The following ANK3 variants were observed in gnomAD, a reference collection of about 807,000 sequenced individuals.
The protein encoded by ANK3 is ankyrin 3.
ANK3 carries 57 observed loss-of-function variants against 370.9 expected under a neutral mutation model. The observed-to-expected ratio is 0.15, with a 90% CI of 0.12 to 0.19. ANK3 has a LOEUF of 0.19. ANK3 is among the 10% of genes least tolerant of loss of function. The pLI, the probability that ANK3 is intolerant of heterozygous loss-of-function variation, is 1.00. For missense variants in ANK3, 4,439 were observed against 5,302.1 expected (o/e 0.84, Z 5.06); for synonymous variants, 1,929 against 1,946.3 (o/e 0.99, Z 0.23).
At chr10:60,436,176 T>C (rs1233148330) in intron 2 of ANK3, among the ~76,000 whole-genome samples, 1 of 152,238 alleles carries the variant, frequency 6.6e-6, no homozygotes, top group African/African-American at 2.4e-5. Context: ...AGCTGAATAA[T>C]ATTCCCTTGT....
intron 2 of ANK3, among the ~76,000 whole-genome samples, chr10:60,551,814 A>G (rs2077094499): frequency 6.6e-6 from 1 of 152,182 alleles, no homozygotes; most frequent in South Asian, 2.1e-4. Context: ...GGTATTCTTA[A>G]TACTTCTTCA....
intron 1 of ANK3, among the ~76,000 whole-genome samples, chr10:60,305,804 G>A (rs1280104225): frequency 6.6e-6 from 1 of 152,180 alleles, no homozygotes; most frequent in South Asian, 2.1e-4. Flanking sequence ...AGGAGACGGA[G>A]GCAGAAGCTG....
At chr10:60,177,728 G>A (rs566341232) in intron 18 of ANK3, among the ~76,000 whole-genome samples, 1 of 150,786 alleles carries the variant, frequency 6.6e-6, no homozygotes, top group South Asian at 2.1e-4. Context: ...CTCCCGAGTA[G>A]CTGGGACTAC....
At chr10:60,129,147 G>C in intron 25 of ANK3, among the ~76,000 whole-genome samples, 1 of 152,178 alleles carries the variant, frequency 6.6e-6, no homozygotes, top group African/African-American at 2.4e-5. Flanking sequence ...AAATACATTA[G>C]ATGTTGACAT....
intron 31 of ANK3, 133 bp downstream of exon 31, chr10:60,085,024 T>C (rs1016577009): frequency 7.4e-6 from 6 of 813,418 alleles, no homozygotes; most frequent in South Asian, 2.0e-5. Context: ...TTGAGGATAA[T>C]TTTGATAAGC....
intron 2 of ANK3, among the ~76,000 whole-genome samples, chr10:60,440,648 C>A (rs1228555257): frequency 6.6e-6 from 1 of 152,094 alleles, no homozygotes; most frequent in African/African-American, 2.4e-5. Flanking sequence ...ATGTAGGAAA[C>A]AATGCAGAGT....
At chr10:60,654,340 G>A (rs535699676) in intron 1 of ANK3, among the ~76,000 whole-genome samples, 16 of 151,992 alleles carry the variant, frequency 1.1e-4, no homozygotes, top group Non-Finnish European at 1.6e-4. Context: ...CTCCAGTACC[G>A]TGTTGAAAAG....
At position 60,415,923 on chromosome 10, in the gene ANK3, A is replaced by AC. The variant is rs60397919; in HGVS notation, c.97-136285dup. The stretch of plus-strand genomic sequence containing the variant: ...TGTATGGTCTGAATTTGTGCCCCCC[A>AC]CCCCCCCGCCATTCATGTGTTGACA... On this transcript the variant is annotated intron_variant, in intron 2 of 43. Coordinates refer to the ANK3 transcript ENST00000373827. Among the ~76,000 whole-genome samples the AC allele has an allele frequency of 2.3e-3, 144 of 62,710 alleles. 16 individuals are homozygous for AC. Among genetic ancestry groups the AC allele is most frequent in the Admixed American group, 3.5e-3 (21 of 6,022 alleles). 41.1% of individuals were successfully genotyped at this position (62,710 alleles called of 152,430 possible).
At chr10:60,451,942 G>C (rs1055361761) in intron 2 of ANK3, among the ~76,000 whole-genome samples, 21 of 152,198 alleles carry the variant, frequency 1.4e-4, no homozygotes, top group African/African-American at 4.6e-4. Flanking sequence ...CCTGTGGAAA[G>C]GTTACTTCTA....
chr10:60,227,179 CCT>C (rs1491141372), intron 8 of ANK3, among the ~76,000 whole-genome samples: 1 of 151,800 alleles, frequency 6.6e-6, no homozygotes, highest in African/African-American at 2.4e-5. Context: ...GATATAAATA[CCT>C]TTTTTACTAG....
chr10:60,375,547 A>G (rs1450272789), intron 1 of ANK3, among the ~76,000 whole-genome samples: 1 of 152,122 alleles, frequency 6.6e-6, no homozygotes, highest in Non-Finnish European at 1.5e-5. Context: ...AAATCTCCCA[A>G]GCAGGCCGAG....
At position 60,254,895 on chromosome 10, in the gene ANK3, T is replaced by C. The variant is rs561523666; in HGVS notation, c.798+6964A>G. Among the ~76,000 whole-genome samples, 9 of 152,306 alleles carry C rather than the reference T, an allele frequency of 5.9e-5. No individual in the cohort carries two copies. In the South Asian group the frequency reaches 1.9e-3, roughly 32 times the overall value. On this transcript the variant is annotated intron_variant, in intron 7 of 43. Coordinates refer to ENST00000280772, the MANE Select transcript of ANK3 (RefSeq NM_020987.5). ...GGAAGGCCAAGAAGTGATTTATTCA[T>C]TCATTTTTGAATTCAATAAATATAT...
At chr10:60,671,795 A>G (rs1281016042) in intron 1 of ANK3, among the ~76,000 whole-genome samples, 1 of 152,238 alleles carries the variant, frequency 6.6e-6, no homozygotes, top group Non-Finnish European at 1.5e-5. Flanking sequence ...CAAGCAGCCC[A>G]ATGGAGAATT....
At chr10:60,586,099 C>G (rs1284711275) in intron 2 of ANK3, among the ~76,000 whole-genome samples, 1 of 151,276 alleles carries the variant, frequency 6.6e-6, no homozygotes, top group Non-Finnish European at 1.5e-5. Flanking sequence ...AAAAAAAAAC[C>G]TTAGAATTTC....
intron 19 of ANK3, 38 bp from the exon 20 acceptor site, chr10:60,173,036 T>A (rs769898067): frequency 6.2e-7 from 1 of 1,610,036 alleles, no homozygotes; most frequent in East Asian, 2.2e-5. Context: ...TCTTAATTCC[T>A]TTGAAGCAAA....
chr10:60,528,134 C>CTT (rs35837089), intron 2 of ANK3, among the ~76,000 whole-genome samples: 38,122 of 122,612 alleles, frequency 0.31, 6,392 homozygotes, highest in South Asian at 0.37. Flanking sequence ...TTTTCTTCTT[C>CTT]TTCTTTTTTT....
chr10:60,496,835 G>C (rs2211656), intron 2 of ANK3, among the ~76,000 whole-genome samples: 13,707 of 151,976 alleles, frequency 0.09, 864 homozygotes, highest in Non-Finnish European at 0.13. Context: ...AGGCAGGTGG[G>C]AGAATAGGGC....
chr10:60,314,551 G>T (rs1283407922), intron 1 of ANK3, among the ~76,000 whole-genome samples: 1 of 152,180 alleles, frequency 6.6e-6, no homozygotes. Context: ...AGTAGTACAT[G>T]ACTCATCTGG....
rs183044517 is a variant in ANK3, at chr10:60,562,383, A to G, written c.96+52803T>C. Among the ~76,000 whole-genome samples, 370 of 149,298 alleles carry G rather than the reference A, an allele frequency of 2.5e-3. 4 individuals are homozygous for G. Among genetic ancestry groups the G allele is most frequent in the African/African-American group, 8.7e-3 (355 of 40,612 alleles). ...AATGGCATCTCTAAAAATGTTAACA[A>G]TATGTCTTAAGGGAGCATTTGTTTC... On this transcript the variant is annotated intron_variant, in intron 2 of 43. Coordinates refer to the ANK3 transcript ENST00000373827.
Sources: gnomAD v4.1 joint callset for allele counts (sites outside exome capture counted in the v4.1 genomes callset) on GRCh38, gnomAD v4.1.1 for gene constraint, MANE v1.5 for transcripts, NCBI Gene and HGNC (gene_info 2026-07-23, HGNC 2026-07-21) for gene names.